The following INPP5B variants were observed in gnomAD, a reference collection of about 807,000 sequenced individuals.
INPP5B encodes type II inositol 1,4,5-trisphosphate 5-phosphatase.
In INPP5B, 90 loss-of-function variants were observed where a neutral mutation model predicts 118.5. The ratio of observed to expected loss-of-function variants is 0.76; its 90% CI spans 0.64 to 0.90. The LOEUF (loss-of-function observed/expected upper bound fraction) is 0.90. Ranked by LOEUF, INPP5B falls within the 40% of genes least tolerant of loss-of-function variation. INPP5B has a pLI of 0.00. For missense variants in INPP5B, 984 were observed against 1,125.6 expected, an observed-to-expected ratio of 0.87 and a Z score of 1.80; for synonymous variants, 385 against 418.9, an observed-to-expected ratio of 0.92 and a Z score of 0.99.
chr1:37,878,110 A>G, intron 16 of INPP5B, 78 bp downstream of exon 16: 2 of 1,524,346 alleles, frequency 1.3e-6, no homozygotes, highest in African/African-American at 1.4e-5. Flanking sequence ...GGAAGAAACC[A>G]GAAAGACAAG....
chr1:37,920,078 C>T (rs2148629625), intron 7 of INPP5B, among the ~76,000 whole-genome samples: 1 of 152,322 alleles, frequency 6.6e-6, no homozygotes, highest in Non-Finnish European at 1.5e-5. Context: ...GTCCACGTTA[C>T]AGACCAGGAG....
intron 18 of INPP5B, 113 bp downstream of exon 18, chr1:37,873,880 C>T (rs898352348): frequency 2.7e-6 from 2 of 747,588 alleles, no homozygotes; most frequent in African/African-American, 1.8e-5. Flanking sequence ...TTTAAAAAGC[C>T]TCAAGCAGAG....
At chr1:37,932,569 G>A (rs1645530952) in intron 6 of INPP5B, among the ~76,000 whole-genome samples, 1 of 151,924 alleles carries the variant, frequency 6.6e-6, no homozygotes, top group Non-Finnish European at 1.5e-5. Context: ...GGGTTTCACC[G>A]TATTAGCCAG....
chr1:37,896,953 C>A, intron 7 of INPP5B, among the ~76,000 whole-genome samples: 1 of 119,624 alleles, frequency 8.4e-6, no homozygotes, highest in Non-Finnish European at 2.0e-5. Flanking sequence ...CCACTCTGCC[C>A]GGCCAGCCGC....
Position 37,864,347 on chromosome 1 carries a change from T to C in INPP5B, c.2591A>G (p.Asn864Ser), listed in dbSNP as rs985183714. Residue 864 changes from asparagine to serine, a missense_variant, in exon 23 of 24, where the codon AAT becomes AGT. Physicochemically the swap from Asn to Ser is conservative, Grantham distance 46. Transcript: ENST00000373024. Reference protein sequence around the residue: ...LMAFLRELLKNSAKNHLDENI... With the variant: ...LMAFLRELLKSSAKNHLDENI... The stretch of plus-strand genomic sequence containing the variant: ...CTCATCCAAATGATTTTTTGCTGAA[T>C]TTTTCAGCAGTTCTCGCAAAAACGC... 8.1e-6 allele frequency: 13 copies of C among 1,611,674 alleles called. No homozygotes were observed. In the African/African-American group the frequency reaches 1.7e-4, roughly 22 times the overall value.
At chr1:37,931,238 G>C in intron 7 of INPP5B, 3 of 366,948 alleles carry the variant, frequency 8.2e-6, no homozygotes, top group South Asian at 6.5e-5. Flanking sequence ...GCTGAGAACT[G>C]ACAGAGCCCC....
At chr1:37,891,991 T>C (rs1382623052) in intron 7 of INPP5B, among the ~76,000 whole-genome samples, 1 of 152,312 alleles carries the variant, frequency 6.6e-6, no homozygotes, top group East Asian at 1.9e-4. Flanking sequence ...AGTGTAACTA[T>C]TCCAGCTAGT....
chr1:37,941,958 A>AAAAAAAAAAGTATATATATATATAT, intron 5 of INPP5B: 1 of 30,392 alleles, frequency 3.3e-5, no homozygotes. Context: ...AAAAAAAAAA[A>AAAAAAAAAAGTATATATATATATAT]ATATATATAT....
At position 37,865,893 on chromosome 1, in the gene INPP5B, T is replaced by C; in HGVS notation, c.2387-5A>G. 1 of 1,612,320 alleles carries C rather than the reference T, an allele frequency of 6.2e-7. No homozygotes were observed. Among genetic ancestry groups the C allele is most frequent in the East Asian group, 2.2e-5 (1 of 44,744 alleles). On this transcript the variant is annotated splice_polypyrimidine_tract_variant and splice_region_variant and intron_variant, in intron 21 of 23. Transcript: ENST00000373024. Reference sequence around the variant, plus strand: ...CTACAGAATGATTGCTGGCAGCTTTTGGCCCCATTGTTAAGGAACCGATAA... The same window carrying C: ...CTACAGAATGATTGCTGGCAGCTTTCGGCCCCATTGTTAAGGAACCGATAA...
chr1:37,932,896 C>A (rs1164105672), intron 6 of INPP5B, among the ~76,000 whole-genome samples: 1 of 152,118 alleles, frequency 6.6e-6, no homozygotes, highest in Non-Finnish European at 1.5e-5. Context: ...TCTCCCTTAA[C>A]CAGACTGCCA....
chr1:37,946,211 C>T, intron 2 of INPP5B, 41 bp downstream of exon 2: 1 of 1,583,716 alleles, frequency 6.3e-7, no homozygotes, highest in Non-Finnish European at 8.6e-7. Flanking sequence ...CTTCCCAAGG[C>T]CAGGGCAGGC....
At chr1:37,945,713 A>T in intron 3 of INPP5B, 43 bp downstream of exon 3, 1 of 1,471,006 alleles carries the variant, frequency 6.8e-7, no homozygotes, top group Middle Eastern at 1.8e-4. Flanking sequence ...AGTGATGAAC[A>T]ACCCCATGGC....
chr1:37,917,473 G>A (rs919427474), intron 7 of INPP5B, among the ~76,000 whole-genome samples: 2 of 150,754 alleles, frequency 1.3e-5, no homozygotes, highest in African/African-American at 4.9e-5. Context: ...ACAGGCATGC[G>A]CCACCACACC....
chr1:37,891,313 G>A lies in INPP5B; in HGVS notation c.629+45C>T, dbSNP rs748357730. The A allele has an allele frequency of 7.1e-6, 10 of 1,402,252 alleles. 1 individual carries two copies. The Admixed American group carries it at 1.2e-4, about 17-fold the overall frequency. 86.9% of individuals were successfully genotyped at this position (1,402,252 alleles called of 1,614,324 possible). A position where few individuals can be genotyped will look rare whatever the true frequency, so the allele number is the denominator to read the frequency against. On this transcript the variant is annotated intron_variant, in intron 8 of 23. Coordinates refer to ENST00000373024, the MANE Select transcript of INPP5B (RefSeq NM_005540.3). The stretch of plus-strand genomic sequence containing the variant: ...CAAAATGGTCTCAGTACTGTGAGGA[G>A]AACCTCAGTCCTACAAGGGACAAGT...
At chr1:37,916,940 T>C (rs1644885318) in intron 7 of INPP5B, among the ~76,000 whole-genome samples, 1 of 151,774 alleles carries the variant, frequency 6.6e-6, no homozygotes, top group African/African-American at 2.4e-5. Flanking sequence ...CAATAGAACC[T>C]TTTTGATGAT....
At chr1:37,872,063 CAAAAAA>C (rs34131982) in intron 19 of INPP5B, among the ~76,000 whole-genome samples, 7 of 58,218 alleles carry the variant, frequency 1.2e-4, no homozygotes, top group Non-Finnish European at 2.2e-4. Context: ...GACTCCATCT[CAAAAAA>C]AAAAAAAAAA....
At chr1:37,875,373 A>G (rs1268922955) in intron 17 of INPP5B, among the ~76,000 whole-genome samples, 1 of 152,036 alleles carries the variant, frequency 6.6e-6, no homozygotes, top group Non-Finnish European at 1.5e-5. Flanking sequence ...GGTTCACGTC[A>G]TTCTCCTGTC....
intron 7 of INPP5B, among the ~76,000 whole-genome samples, chr1:37,891,876 T>C (rs2148524350): frequency 6.6e-6 from 1 of 152,324 alleles, no homozygotes; most frequent in African/African-American, 2.4e-5. Flanking sequence ...TTATTGGTAG[T>C]CCACATATTG....
chr1:37,867,043 C>A (rs1159240992), intron 20 of INPP5B, among the ~76,000 whole-genome samples: 1 of 152,078 alleles, frequency 6.6e-6, no homozygotes, highest in African/African-American at 2.4e-5. Context: ...ACCATCCTGG[C>A]CAACACGGTG....
Sources: allele counts gnomAD v4.1 joint callset (sites outside exome capture counted in the v4.1 genomes callset), GRCh38; gene constraint gnomAD v4.1.1; transcripts MANE v1.5; gene names NCBI Gene and HGNC (gene_info 2026-07-23, HGNC 2026-07-21).